Variants in ITGA4 observed in about 807,000 individuals in gnomAD.
ITGA4 encodes the protein integrin alpha-4.
ITGA4 carries 63 observed loss-of-function variants against 133.6 expected under a neutral mutation model. The ratio of observed to expected loss-of-function variants is 0.47; its 90% confidence interval spans 0.38 to 0.58. ITGA4 has a LOEUF of 0.58. ITGA4 is among the 20% of genes least tolerant of loss of function. ITGA4 has a pLI of 0.00. For synonymous variants in ITGA4, 483 were observed against 438.0 expected, an observed-to-expected ratio of 1.10 and a Z score of -1.28; for missense variants, 1,076 against 1,252.7, an observed-to-expected ratio of 0.86 and a Z score of 2.13.
rs567476174 is a variant in ITGA4, at chr2:181,479,936, C to A, written c.625-201C>A. ...TTGAATGAGAGTTTCAGAGTTTCTT[C>A]TCTGAGATTTCGCTTTTAGAAATCC... is the stretch of plus-strand genomic sequence containing the variant. On this transcript the variant is annotated intron_variant, in intron 5 of 27. Transcript: ENST00000397033. Among the ~76,000 whole-genome samples the A allele has an allele frequency of 3.3e-5, 5 of 151,664 alleles. No homozygotes were observed. In the East Asian group the frequency reaches 9.7e-4, roughly 29 times the overall value.
chr2:181,482,629 T>G lies in ITGA4; in HGVS notation c.1019T>G (p.Phe340Cys), dbSNP rs2105734038. Residue 340 changes from phenylalanine (F) to cysteine (C), a missense_variant, in exon 9 of 28, where the codon TTT (phenylalanine) becomes TGT (cysteine). Phe to Cys is a radical substitution (Grantham distance 205, BLOSUM62 -2). Coordinates refer to ENST00000397033, the MANE Select transcript of ITGA4 (RefSeq NM_000885.6). ...ACCATCAGAGAGGAAGGAAGAGTGT[T>G]TGTGTACATCAACTCTGGCTCGGTA... ...QSTIREEGRV[F>C]VYINSGSGAV... 1 of 1,613,666 alleles carries G rather than the reference T, an allele frequency of 6.2e-7. No individual in the cohort carries two copies. Among genetic ancestry groups the G allele is most frequent in the South Asian group, 1.1e-5 (1 of 91,060 alleles).
At chr2:181,533,692 T>A (rs1443215846) in intron 25 of ITGA4, among the ~76,000 whole-genome samples, 1 of 152,156 alleles carries the variant, frequency 6.6e-6, no homozygotes, top group East Asian at 1.9e-4. Context: ...AAATGTTAAA[T>A]AACATTTACA....
At chr2:181,476,660 GA>G (rs1685683358) in intron 4 of ITGA4, among the ~76,000 whole-genome samples, 3 of 152,222 alleles carry the variant, frequency 2.0e-5, no homozygotes, top group South Asian at 4.1e-4. Context: ...CAAAATCTAA[GA>G]AAGGACACTC....
At chr2:181,472,189 A>C (rs1685570249) in intron 2 of ITGA4, among the ~76,000 whole-genome samples, 1 of 152,182 alleles carries the variant, frequency 6.6e-6, no homozygotes, top group African/African-American at 2.4e-5. Context: ...AATAGATAAG[A>C]GTTCATAATG....
At chr2:181,490,074 C>T (rs752418511) in intron 10 of ITGA4, among the ~76,000 whole-genome samples, 47 of 152,086 alleles carry the variant, frequency 3.1e-4, no homozygotes, top group Admixed American at 1.3e-3. Flanking sequence ...GTAATTAGAT[C>T]GGAACAAAAC....
chr2:181,468,721 C>T (rs1324018281), intron 2 of ITGA4, among the ~76,000 whole-genome samples: 1 of 152,040 alleles, frequency 6.6e-6, no homozygotes, highest in Non-Finnish European at 1.5e-5. Flanking sequence ...TGCTGATACA[C>T]ATCAGTAGGA....
chr2:181,488,665 T>C (rs1040478478), intron 10 of ITGA4, among the ~76,000 whole-genome samples: 9 of 151,952 alleles, frequency 5.9e-5, no homozygotes, highest in African/African-American at 2.2e-4. Flanking sequence ...TTCATGCCAT[T>C]CTCCTGCCTC....
chr2:181,530,385 C>T, intron 23 of ITGA4, 139 bp from the exon 24 acceptor site: 1 of 754,960 alleles, frequency 1.3e-6, no homozygotes, highest in East Asian at 3.0e-5. Context: ...CCAAATCTGT[C>T]AAAAAAATTT....
At position 181,457,597 on chromosome 2, in the gene ITGA4, TC is replaced by T. The variant is rs1302845718; in HGVS notation, c.-55del. The T allele has an allele frequency of 1.3e-6, 2 of 1,512,726 alleles. No individual in the cohort carries two copies. The highest frequency in any genetic ancestry group is 1.8e-6 in the Non-Finnish European group (2 of 1,111,954). 93.7% of individuals were successfully genotyped at this position (1,512,726 alleles called of 1,614,324 possible). A position where few individuals can be genotyped will look rare whatever the true frequency, so the allele number is the denominator to read the frequency against. ...TCTTCCCCGTTGGCCAACCGTCGCA[TC>T]CCGTGCAACTTTGGGGTAGTGGCCG... On this transcript the variant is annotated 5_prime_UTR_variant, in exon 1 of 28. Coordinates refer to ENST00000397033, the MANE Select transcript of ITGA4 (RefSeq NM_000885.6).
chr2:181,464,353 CAAT>C (rs1685361887), intron 2 of ITGA4, among the ~76,000 whole-genome samples: 1 of 152,110 alleles, frequency 6.6e-6, no homozygotes, highest in South Asian at 2.1e-4. Context: ...TAGCAAGCGT[CAAT>C]AACTTTTAAC....
rs374070637 is a variant in ITGA4, at chr2:181,538,100, G to A, written c.*2573G>A. The A allele has an allele frequency of 1.1e-6, 1 of 916,312 alleles. No homozygotes were observed. 56.8% of individuals were successfully genotyped at this position (916,312 alleles called of 1,614,324 possible). ...TTCCATGAAACTGGTCCCAAAAAGGGTGGGGACCACAGGTTTAAAGCATGG... is the reference window on the plus strand; with the variant it reads ...TTCCATGAAACTGGTCCCAAAAAGGATGGGGACCACAGGTTTAAAGCATGG... On this transcript the variant is annotated 3_prime_UTR_variant, in exon 28 of 28. Coordinates refer to ENST00000397033, the MANE Select transcript of ITGA4 (RefSeq NM_000885.6).
intron 2 of ITGA4, 89 bp downstream of exon 2, chr2:181,458,406 G>T (rs1428015572): frequency 2.0e-6 from 3 of 1,485,464 alleles, no homozygotes; most frequent in Non-Finnish European, 2.8e-6. Context: ...GATTCACGTT[G>T]CCTGTTACTT....
In ITGA4 at chr2:181,537,053, T is replaced by C. The variant is rs1229838507; in HGVS notation, c.*1526T>C. 2 of 444,770 alleles carry C rather than the reference T, an allele frequency of 4.5e-6. No individual in the cohort carries two copies. The highest frequency in any genetic ancestry group is 3.2e-5 in the South Asian group (2 of 63,076). The allele number at this position is 444,770 out of a possible 1,614,324, so 27.6% of individuals were successfully genotyped here. A position where few individuals can be genotyped will look rare whatever the true frequency, so the allele number is the denominator to read the frequency against. On this transcript the variant is annotated 3_prime_UTR_variant, in exon 28 of 28. Coordinates refer to ENST00000397033, the MANE Select transcript of ITGA4 (RefSeq NM_000885.6). ...TTGCGAAGGCATTTGAGTAGTGAAATGTAAGCACAAAACCTCCTGAACCCA... is the reference window on the plus strand; with the variant it reads ...TTGCGAAGGCATTTGAGTAGTGAAACGTAAGCACAAAACCTCCTGAACCCA...
intron 15 of ITGA4, among the ~76,000 whole-genome samples, chr2:181,508,413 C>T (rs537631964): frequency 2.0e-5 from 3 of 152,056 alleles, no homozygotes; most frequent in Admixed American, 1.3e-4. Context: ...AAAACAAAAA[C>T]GGCTGGGCGC....
Position 181,524,000 on chromosome 2 carries a change from A to C in ITGA4, c.2170-171A>C, listed in dbSNP as rs1442171537. On this transcript the variant is annotated intron_variant, in intron 19 of 27. Transcript: ENST00000397033. The surrounding 1 kb of genome is among the most constrained non-coding windows in gnomAD (Gnocchi z 4.2). ...GATATGTGTGTACTTTAAAATAGCC[A>C]CAAACCCAACAACTTCCCTGAATCT... 1.3e-5 allele frequency among the ~76,000 whole-genome samples: 2 copies of C among 152,200 alleles called. No individual in the cohort carries two copies. Among genetic ancestry groups the C allele is most frequent in the Admixed American group, 1.3e-4 (2 of 15,286 alleles).
chr2:181,468,018 G>T (rs1284900101), intron 2 of ITGA4, among the ~76,000 whole-genome samples: 1 of 152,164 alleles, frequency 6.6e-6, no homozygotes, highest in East Asian at 1.9e-4. Flanking sequence ...AGCTTAATAT[G>T]CTTACATTAA....
chr2:181,491,116 A>G (rs562165110), intron 10 of ITGA4, among the ~76,000 whole-genome samples: 2 of 152,340 alleles, frequency 1.3e-5, no homozygotes, highest in Admixed American at 6.5e-5. Context: ...GATTGAATAT[A>G]CCCAAGTGTC....
chr2:181,470,516 A>G (rs980629767), intron 2 of ITGA4, among the ~76,000 whole-genome samples: 1 of 152,148 alleles, frequency 6.6e-6, no homozygotes, highest in Non-Finnish European at 1.5e-5. Flanking sequence ...TGAGCCTCTA[A>G]GAGTGGGGCC....
chr2:181,483,164 T>C (rs763270482), intron 9 of ITGA4, among the ~76,000 whole-genome samples: 2 of 152,200 alleles, frequency 1.3e-5, no homozygotes, highest in Non-Finnish European at 2.9e-5. Flanking sequence ...TTGATAAGAA[T>C]ATAAAATTGG....
Sources: allele counts gnomAD v4.1 joint callset (sites outside exome capture counted in the v4.1 genomes callset), GRCh38; gene constraint gnomAD v4.1.1; non-coding constraint Gnocchi (gnomAD v3.1); transcripts MANE v1.5; gene names NCBI Gene and HGNC (gene_info 2026-07-23, HGNC 2026-07-21).